The following NRG3 variants were observed in gnomAD, a reference collection of about 807,000 sequenced individuals.
The protein encoded by NRG3 is pro-neuregulin-3, membrane-bound isoform.
A neutral mutation model predicts 66.9 loss-of-function variants in NRG3; 31 were observed. The observed-to-expected ratio is 0.46, with a 90% CI of 0.35 to 0.63. The LOEUF (loss-of-function observed/expected upper bound fraction) is 0.63. NRG3 is among the 20% of genes least tolerant of loss of function. The pLI, the probability that NRG3 is intolerant of heterozygous loss-of-function variation, is 0.00. For missense variants in NRG3, 910 were observed against 878.9 expected, an observed-to-expected ratio of 1.04 and a Z score of -0.45; for synonymous variants, 393 against 359.4, an observed-to-expected ratio of 1.09 and a Z score of -1.06.
intron 2 of NRG3, among the ~76,000 whole-genome samples, chr10:82,618,235 G>T (rs1462419979): frequency 6.6e-6 from 1 of 152,152 alleles, no homozygotes; most frequent in Admixed American, 6.5e-5. Flanking sequence ...GAGCTGTGGT[G>T]CCAGACAGTG....
At chr10:82,323,002 G>A (rs533218175) in intron 1 of NRG3, among the ~76,000 whole-genome samples, 33 of 152,232 alleles carry the variant, frequency 2.2e-4, no homozygotes, top group Non-Finnish European at 4.1e-4. Context: ...TGTTACTAAC[G>A]GGTAAGAATA....
chr10:82,911,849 T>G (rs1160841842), intron 4 of NRG3, among the ~76,000 whole-genome samples: 2 of 151,918 alleles, frequency 1.3e-5, no homozygotes, highest in Non-Finnish European at 2.9e-5. Flanking sequence ...TAGATCTTTC[T>G]TCTTTTCTAA....
At chr10:82,630,669 A>G (rs1200578334) in intron 2 of NRG3, among the ~76,000 whole-genome samples, 1 of 151,080 alleles carries the variant, frequency 6.6e-6, no homozygotes, top group East Asian at 1.9e-4. Flanking sequence ...CAAGAGTGAA[A>G]CTCTGTCAAA....
At chr10:82,665,140 G>A (rs1293975538) in intron 2 of NRG3, among the ~76,000 whole-genome samples, 3 of 152,050 alleles carry the variant, frequency 2.0e-5, no homozygotes, top group Non-Finnish European at 2.9e-5. Flanking sequence ...TCCCGTTCCT[G>A]AAACCTGATT....
intron 1 of NRG3, among the ~76,000 whole-genome samples, chr10:81,978,717 C>T (rs1363740367): frequency 6.6e-6 from 1 of 151,720 alleles, no homozygotes; most frequent in Non-Finnish European, 1.5e-5. Context: ...TTGCATCTTT[C>T]TTTTTTCTTT....
At chr10:82,483,313 C>T (rs1842433963) in intron 2 of NRG3, among the ~76,000 whole-genome samples, 1 of 152,174 alleles carries the variant, frequency 6.6e-6, no homozygotes, top group African/African-American at 2.4e-5. Flanking sequence ...CTGGGTCTCC[C>T]AGATGGAGGC....
At position 82,985,650 on chromosome 10, in the gene NRG3, A is replaced by C; in HGVS notation, c.*45A>C. ...TGCATTCTATGCTTTGCTCAACAGG[A>C]AAGAGAGGAAATCAAATACAAATTA... is the stretch of plus-strand genomic sequence containing the variant. On this transcript the variant is annotated 3_prime_UTR_variant, in exon 9 of 9. Transcript: ENST00000372141. 6.4e-7 allele frequency: 1 copy of C among 1,553,236 alleles called. No individual in the cohort carries two copies. The highest frequency in any genetic ancestry group is 1.2e-5 in the South Asian group (1 of 82,976).
chr10:82,680,751 G>T (rs1352187827), intron 2 of NRG3, among the ~76,000 whole-genome samples: 4 of 152,156 alleles, frequency 2.6e-5, no homozygotes, highest in African/African-American at 9.7e-5. Context: ...CATTTCTTTT[G>T]CTGCAGACAC....
At chr10:82,421,854 T>C (rs1020643724) in intron 2 of NRG3, among the ~76,000 whole-genome samples, 2 of 152,014 alleles carry the variant, frequency 1.3e-5, no homozygotes, top group African/African-American at 4.8e-5. Context: ...CTTTAAACTT[T>C]CTAGAAAAAA....
chr10:82,144,137 T>G (rs764053488), intron 1 of NRG3, among the ~76,000 whole-genome samples: 1 of 152,198 alleles, frequency 6.6e-6, no homozygotes, highest in Non-Finnish European at 1.5e-5. Flanking sequence ...CTTTACTATT[T>G]AATATTCTCT....
intron 2 of NRG3, among the ~76,000 whole-genome samples, chr10:82,635,938 T>C (rs578088416): frequency 6.6e-6 from 1 of 152,072 alleles, no homozygotes; most frequent in East Asian, 1.9e-4. Flanking sequence ...AGAGTTGAAG[T>C]GGGTATGGGG....
chr10:82,133,378 A>C (rs1254907240), intron 1 of NRG3, among the ~76,000 whole-genome samples: 2 of 152,100 alleles, frequency 1.3e-5, no homozygotes, highest in African/African-American at 4.8e-5. Flanking sequence ...TCCCATACCC[A>C]ATAGTTATAT....
Position 82,815,345 on chromosome 10 carries a change from T to G in NRG3, c.1028-50066T>G, listed in dbSNP as rs533658836. Among the ~76,000 whole-genome samples, 4 of 152,276 alleles carry G rather than the reference T, an allele frequency of 2.6e-5. No individual in the cohort carries two copies. The East Asian group carries it at 7.7e-4, about 29-fold the overall frequency. ...TGAGACCTGGCCCCATTTCATTGATTTCCCCACCATTTGTCAAAGAAATAG... is the reference window on the plus strand; with the variant it reads ...TGAGACCTGGCCCCATTTCATTGATGTCCCCACCATTTGTCAAAGAAATAG... On this transcript the variant is annotated intron_variant, in intron 3 of 8. Coordinates refer to ENST00000372141, the MANE Select transcript of NRG3 (RefSeq NM_001010848.4).
chr10:82,901,202 C>A (rs1354813502), intron 4 of NRG3, among the ~76,000 whole-genome samples: 1 of 152,124 alleles, frequency 6.6e-6, no homozygotes, highest in Non-Finnish European at 1.5e-5. Flanking sequence ...CATTTATATT[C>A]TCAAAAATAT....
chr10:81,957,260 T>C (rs1705517840), intron 1 of NRG3, among the ~76,000 whole-genome samples: 1 of 151,924 alleles, frequency 6.6e-6, no homozygotes, highest in African/African-American at 2.4e-5. Context: ...AAACTTAGGG[T>C]GTTGTTAGGC....
At chr10:82,729,244 G>C (rs1265674063) in intron 2 of NRG3, among the ~76,000 whole-genome samples, 1 of 152,122 alleles carries the variant, frequency 6.6e-6, no homozygotes, top group Non-Finnish European at 1.5e-5. Context: ...ATCAGTAACA[G>C]TGCATTTCCT....
chr10:81,894,856 C>T (rs1843375963), intron 1 of NRG3, among the ~76,000 whole-genome samples: 2 of 152,150 alleles, frequency 1.3e-5, no homozygotes, highest in Non-Finnish European at 2.9e-5. Context: ...GCCGCTGCCT[C>T]CAACCACCAC....
At chr10:82,595,651 G>C (rs973392684) in intron 2 of NRG3, among the ~76,000 whole-genome samples, 2 of 152,086 alleles carry the variant, frequency 1.3e-5, no homozygotes, top group African/African-American at 4.8e-5. Flanking sequence ...CAGGCACGGT[G>C]GTGGGCGCCT....
chr10:82,229,270 T>C (rs1312342820), intron 1 of NRG3: 1 of 152,178 alleles, frequency 6.6e-6, no homozygotes, highest in Non-Finnish European at 1.5e-5. Flanking sequence ...TTGAAAAATA[T>C]TCACCAGAAA....
Sources: gnomAD v4.1 joint callset for allele counts (sites outside exome capture counted in the v4.1 genomes callset) on GRCh38, gnomAD v4.1.1 for gene constraint, MANE v1.5 for transcripts, NCBI Gene and HGNC (gene_info 2026-07-23, HGNC 2026-07-21) for gene names.